The following IQCK variants were observed in gnomAD, a reference collection of about 807,000 sequenced individuals.
IQCK encodes the protein IQ motif containing K.
A neutral mutation model predicts 28.1 loss-of-function variants in IQCK; 29 were observed. That is an observed-to-expected ratio of 1.03 (90% CI 0.77 to 1.41). The LOEUF is 1.41. Among genes scored for constraint, IQCK ranks in the 40% most tolerant of loss-of-function variants. IQCK has a pLI of 0.00. For missense variants in IQCK, 359 were observed against 314.7 expected, an observed-to-expected ratio of 1.14 and a Z score of -1.07; for synonymous variants, 113 against 115.1, an observed-to-expected ratio of 0.98 and a Z score of 0.12.
intron 4 of IQCK, chr16:19,761,523 G>C (rs116777188): frequency 2.4e-6 from 1 of 420,596 alleles, no homozygotes; most frequent in South Asian, 1.7e-5. Context: ...ACATGGCAAC[G>C]AACACCTCTA....
chr16:19,784,546 G>A (rs941168539), intron 6 of IQCK, among the ~76,000 whole-genome samples: 1 of 152,232 alleles, frequency 6.6e-6, no homozygotes, highest in Non-Finnish European at 1.5e-5. Flanking sequence ...TATTTGTTGA[G>A]TGTGCCTACT....
At chr16:19,719,569 G>A (rs1430123723) in intron 1 of IQCK, among the ~76,000 whole-genome samples, 1 of 150,140 alleles carries the variant, frequency 6.7e-6, no homozygotes, top group Non-Finnish European at 1.5e-5. Flanking sequence ...CAGCCTGGGT[G>A]ACAGAGCGAG....
At chr16:19,730,469 A>G in exon 2 of IQCK, 1 of 1,608,930 alleles carries the variant, frequency 6.2e-7, no homozygotes, top group Non-Finnish European at 8.5e-7. Flanking sequence ...GAAGGATATA[A>G]AGTCAAACAG....
intron 7 of IQCK, among the ~76,000 whole-genome samples, chr16:19,807,077 A>G (rs2151743541): frequency 6.6e-6 from 1 of 152,322 alleles, no homozygotes; most frequent in East Asian, 1.9e-4. Flanking sequence ...TCTTGTGCTC[A>G]CTTGTTCTCT....
intron 6 of IQCK, among the ~76,000 whole-genome samples, chr16:19,773,869 G>A (rs2055351786): frequency 6.6e-6 from 1 of 152,232 alleles, no homozygotes; most frequent in East Asian, 1.9e-4. Flanking sequence ...TACATCAGGA[G>A]TTCAGGAACT....
chr16:19,851,793 G>A (rs556609712), intron 9 of IQCK, among the ~76,000 whole-genome samples: 1 of 152,130 alleles, frequency 6.6e-6, no homozygotes, highest in Non-Finnish European at 1.5e-5. Flanking sequence ...TGATGTCTCC[G>A]AGCTAAGGTG....
At chr16:19,827,078 G>A (rs145706007) in exon 8 of IQCK, 8 of 1,614,126 alleles carry the variant, frequency 5.0e-6, no homozygotes, top group Admixed American at 1.7e-5. Flanking sequence ...AAGAAACTTC[G>A]CGAGGCCAAG....
downstream of IQCK, among the ~76,000 whole-genome samples, chr16:19,830,152 A>G (rs529171130): frequency 6.6e-6 from 1 of 152,350 alleles, no homozygotes; most frequent in East Asian, 1.9e-4. Context: ...AAGCAGCTTG[A>G]GCTATCACTG....
At chr16:19,719,765 C>T (rs551416757) in intron 1 of IQCK, among the ~76,000 whole-genome samples, 8 of 149,728 alleles carry the variant, frequency 5.3e-5, no homozygotes, top group South Asian at 4.3e-4. Flanking sequence ...ACCTCCGCCT[C>T]CCGGGTTCAA....
At chr16:19,823,719 C>G (rs969057119) in intron 7 of IQCK, among the ~76,000 whole-genome samples, 1 of 152,130 alleles carries the variant, frequency 6.6e-6, no homozygotes, top group African/African-American at 2.4e-5. Flanking sequence ...GGCAGACCAC[C>G]TGAGGTCAGG....
chr16:19,853,978 C>A (rs769354301), intron 9 of IQCK, among the ~76,000 whole-genome samples: 20 of 152,234 alleles, frequency 1.3e-4, no homozygotes, highest in Non-Finnish European at 2.2e-4. Flanking sequence ...TCACAGGCAG[C>A]CAGCATGATG....
At chr16:19,734,593 C>T (rs1036816757) in intron 3 of IQCK, among the ~76,000 whole-genome samples, 9 of 151,466 alleles carry the variant, frequency 5.9e-5, no homozygotes, top group African/African-American at 2.2e-4. Context: ...CGCACCACTG[C>T]GTTCCAGCCT....
intron 4 of IQCK, chr16:19,735,791 G>A (rs1977995192): frequency 5.9e-6 from 2 of 338,406 alleles, no homozygotes; most frequent in South Asian, 2.6e-5. Flanking sequence ...GGCCGGGCAC[G>A]GTGGCCCATG....
intron 9 of IQCK, among the ~76,000 whole-genome samples, chr16:19,833,912 G>A (rs897608789): frequency 4.0e-5 from 6 of 151,898 alleles, no homozygotes; most frequent in African/African-American, 1.5e-4. Context: ...GCAACACAAT[G>A]AGACCCCGTC....
At chr16:19,718,465 T>A (rs1170346821) in exon 1 of IQCK, 1 of 1,607,190 alleles carries the variant, frequency 6.2e-7, no homozygotes, top group South Asian at 1.1e-5. Flanking sequence ...CAAGCAAGAA[T>A]CTGTGGGAGC....
intron 6 of IQCK, among the ~76,000 whole-genome samples, chr16:19,770,754 C>G (rs2055309525): frequency 1.3e-5 from 2 of 152,160 alleles, no homozygotes; most frequent in South Asian, 4.1e-4. Context: ...TCCCAAGTAG[C>G]TGGGATTACA....
chr16:19,799,130 T>G lies in IQCK; in HGVS notation c.690+10208T>G, dbSNP rs191470138. On this transcript the variant is annotated intron_variant, in intron 7 of 7. Transcript: ENST00000564186. ...TCATATGGAAATTTTTAAAACATTT[T>G]TTACAAAATTGCAATTATAAACACT... is the stretch of plus-strand genomic sequence containing the variant. Among the ~76,000 whole-genome samples the G allele has an allele frequency of 1.3e-3, 150 of 113,548 alleles. 22 individuals are homozygous for G. Among genetic ancestry groups the G allele is most frequent in the Non-Finnish European group, 1.9e-3 (117 of 63,020 alleles). The allele number at this position is 113,548 out of a possible 152,430, so 74.5% of individuals were successfully genotyped here. A position where few individuals can be genotyped will look rare whatever the true frequency, so the allele number is the denominator to read the frequency against.
chr16:19,718,630 C>A, intron 1 of IQCK, 143 bp downstream of exon 1: 1 of 717,592 alleles, frequency 1.4e-6, no homozygotes, highest in Non-Finnish European at 2.0e-6. Flanking sequence ...CCGCATTTTA[C>A]GCATGGGGAA....
intron 7 of IQCK, among the ~76,000 whole-genome samples, chr16:19,810,152 A>G (rs981742237): frequency 2.0e-5 from 3 of 152,096 alleles, no homozygotes; most frequent in Non-Finnish European, 4.4e-5. Flanking sequence ...CAGTATGCAC[A>G]AGTTTAGGCA....
Sources: allele counts gnomAD v4.1 joint callset (sites outside exome capture counted in the v4.1 genomes callset), GRCh38; gene constraint gnomAD v4.1.1; transcripts MANE v1.5; gene names NCBI Gene and HGNC (gene_info 2026-07-23, HGNC 2026-07-21).